ICAM1: variants seen among roughly 807,000 people sequenced by gnomAD.
ICAM1 encodes the protein intercellular adhesion molecule 1.
A neutral mutation model predicts 42.3 loss-of-function variants in ICAM1; 28 were observed. The observed-to-expected ratio is 0.66, with a 90% CI of 0.49 to 0.91. ICAM1 has a LOEUF of 0.91. ICAM1 is among the 40% of genes least tolerant of loss of function. The probability of loss-of-function intolerance (pLI) is 0.00; values close to 1 mark genes in which losing one functional copy is unlikely to be tolerated. For missense variants in ICAM1, 637 were observed against 688.6 expected (o/e 0.93, Z 0.84); for synonymous variants, 304 against 305.9 (o/e 0.99, Z 0.07).
At chr19:10,273,659 G>A (rs553916531) in intron 1 of ICAM1, among the ~76,000 whole-genome samples, 76 of 150,380 alleles carry the variant, frequency 5.1e-4, no homozygotes, top group African/African-American at 1.8e-3. Context: ...AGGGAGACCC[G>A]TTTAAAAAAA....
intron 2 of ICAM1, chr19:10,283,253 T>C: frequency 2.1e-6 from 1 of 468,110 alleles, no homozygotes. Flanking sequence ...CACTTTTCAC[T>C]CTAAGATGCT....
At chr19:10,274,611 G>A (rs961084777) in intron 1 of ICAM1, among the ~76,000 whole-genome samples, 154 bp from the exon 2 acceptor site, 2 of 152,062 alleles carry the variant, frequency 1.3e-5, no homozygotes, top group African/African-American at 2.4e-5. Context: ...CACCACACCC[G>A]GCCTGCTCAT....
Position 10,283,694 on chromosome 19 carries a change from C to G in ICAM1, c.545C>G (p.Ala182Gly), listed in dbSNP as rs954408067. The change falls in exon 3 of 7, where the codon GCC becomes GGC. Residue 182 changes from alanine to glycine, a missense_variant. Coordinates refer to ENST00000264832, the MANE Select transcript of ICAM1 (RefSeq NM_000201.3). The part of the protein sequence containing the change: ...TVLVRRDHHG[A>G]NFSCRTELDL... The stretch of plus-strand genomic sequence containing the variant: ...CTGGTGAGGAGAGATCACCATGGAG[C>G]CAATTTCTCGTGCCGCACTGAACTG... 6.2e-7 allele frequency: 1 copy of G among 1,613,974 alleles called. No homozygotes were observed.
chr19:10,282,537 G>C (rs2040068957), intron 2 of ICAM1, among the ~76,000 whole-genome samples: 6 of 151,762 alleles, frequency 4.0e-5, no homozygotes, highest in Admixed American at 3.9e-4. Flanking sequence ...GTGAGCCACC[G>C]CGCCCTGCCA....
At chr19:10,276,142 G>A (rs1298243545) in intron 2 of ICAM1, among the ~76,000 whole-genome samples, 5 of 150,046 alleles carry the variant, frequency 3.3e-5, no homozygotes, top group Admixed American at 6.7e-5. Flanking sequence ...CTAGGAGTTC[G>A]AATCCATCCT....
intron 2 of ICAM1, among the ~76,000 whole-genome samples, chr19:10,278,580 T>G (rs74178247): frequency 0.034 from 4,430 of 131,676 alleles, 285 homozygotes; most frequent in East Asian, 0.083. Context: ...TTCTTTTTTT[T>G]GACACACAGT....
In ICAM1 at chr19:10,283,665, G is replaced by A. The variant is rs1457067982; in HGVS notation, c.516G>A (p.Thr172=). Residue 172 remains threonine (T), a synonymous_variant, in exon 3 of 7, where the codon ACG becomes ACA. Coordinates refer to ENST00000264832, the MANE Select transcript of ICAM1 (RefSeq NM_000201.3). The stretch of plus-strand genomic sequence containing the variant: ...GGGAGCCCGCTGAGGTCACGACCAC[G>A]GTGCTGGTGAGGAGAGATCACCATG... ...AVGEPAEVTT[T]VLVRRDHHGA... is the part of the protein sequence containing the mutation. 3.1e-6 allele frequency: 5 copies of A among 1,613,808 alleles called. No individual in the cohort carries two copies. The highest frequency in any genetic ancestry group is 2.7e-5 in the African/African-American group (2 of 74,932).
intron 2 of ICAM1, among the ~76,000 whole-genome samples, chr19:10,280,936 C>CGG (rs2040052032): frequency 7.7e-6 from 1 of 129,952 alleles, no homozygotes; most frequent in Non-Finnish European, 1.5e-5. Context: ...TGCAGTGGTT[C>CGG]GATCTGGGCT....
rs1320650812 is a variant in ICAM1 at position 10,283,461 on chromosome 19, C to T, written c.332-20C>T. 2 of 1,530,178 alleles carry T rather than the reference C, an allele frequency of 1.3e-6. No homozygotes were observed. The highest frequency in any genetic ancestry group is 4.0e-5 in the Admixed American group (2 of 50,100). 94.8% of individuals were successfully genotyped at this position (1,530,178 alleles called of 1,614,324 possible). A position where few individuals can be genotyped will look rare whatever the true frequency, so the allele number is the denominator to read the frequency against. On this transcript the variant is annotated intron_variant, in intron 2 of 6. Transcript: ENST00000264832. ...GCAAGGTCCACTTCACCAGACACCC[C>T]CACCTCTGTTTTCCTGCAGGGACTC...
rs5030367 is a variant in ICAM1 at position 10,280,335 on chromosome 19, T to A, written c.332-3146T>A. Among the ~76,000 whole-genome samples the A allele has an allele frequency of 5.2e-3, 786 of 151,868 alleles. 9 individuals are homozygous for A. Among genetic ancestry groups the A allele is most frequent in the African/African-American group, 0.016 (680 of 41,476 alleles). On this transcript the variant is annotated intron_variant, in intron 2 of 6. Transcript: ENST00000264832. ...TTTTCTTGACTATATATATATATAT[T>A]TTTTTGTTTTTGTTTTTAACAGCTT...
At chr19:10,285,065 G>A (rs776831510) in intron 6 of ICAM1, 37 bp downstream of exon 6, 3 of 1,613,600 alleles carry the variant, frequency 1.9e-6, no homozygotes, top group Non-Finnish European at 2.5e-6. Flanking sequence ...GTGGGGGCAG[G>A]GGCCATGGAC....
chr19:10,279,722 G>C (rs956355893), intron 2 of ICAM1, among the ~76,000 whole-genome samples: 1 of 152,076 alleles, frequency 6.6e-6, no homozygotes, highest in Non-Finnish European at 1.5e-5. Flanking sequence ...GACCGCAAGA[G>C]ATCCTCCTGC....
In ICAM1 at chr19:10,274,978, C is replaced by T. The variant is rs1171324211; in HGVS notation, c.281C>T (p.Ser94Leu). The T allele has an allele frequency of 4.3e-6, 7 of 1,614,068 alleles. No individual in the cohort carries two copies. Among genetic ancestry groups the T allele is most frequent in the Non-Finnish European group, 5.9e-6 (7 of 1,180,040 alleles). ...GAAGATAGCCAACCAATGTGCTATT[C>T]AAACTGCCCTGATGGGCAGTCAACA... Reference protein sequence around the residue: ...VQEDSQPMCYSNCPDGQSTAK... With the variant: ...VQEDSQPMCYLNCPDGQSTAK... Residue 94 changes from serine (S) to leucine (L), a missense_variant, in exon 2 of 7, where the codon TCA (serine) becomes TTA (leucine). Transcript: ENST00000264832.
chr19:10,280,868 C>CTT lies in ICAM1; in HGVS notation c.332-2591_332-2590dup, dbSNP rs869262659. Among the ~76,000 whole-genome samples the CTT allele has an allele frequency of 3.7e-3, 256 of 70,122 alleles. 2 individuals carry two copies. Among genetic ancestry groups the CTT allele is most frequent in the African/African-American group, 9.6e-3 (160 of 16,672 alleles). 46.0% of individuals were successfully genotyped at this position (70,122 alleles called of 152,430 possible). On this transcript the variant is annotated intron_variant, in intron 2 of 6. Transcript: ENST00000264832. The stretch of plus-strand genomic sequence containing the variant: ...ACAGGCATGAGCCACCGTGCCCGGC[C>CTT]TTTTTTTTTTTTTTTTTTTTTTTGA...
intron 1 of ICAM1, among the ~76,000 whole-genome samples, chr19:10,272,740 G>A (rs879828429): frequency 1.3e-5 from 2 of 151,440 alleles, no homozygotes; most frequent in Non-Finnish European, 2.9e-5. Flanking sequence ...TAATCACTGT[G>A]TTAGCCAGGA....
At position 10,284,514 on chromosome 19, in the gene ICAM1, C is replaced by T. The variant is rs747223390; in HGVS notation, c.1037C>T (p.Pro346Leu). ...PRAKVTLNGV[P>L]AQPLGPRAQL... ...GCCAAGGTGACGCTGAATGGGGTTC[C>T]AGCCCAGCCACTGGGCCCGAGGGCC... The change falls in exon 5 of 7, where the codon CCA becomes CTA. Residue 346 changes from proline (P) to leucine (L), a missense_variant. Coordinates refer to ENST00000264832, the MANE Select transcript of ICAM1 (RefSeq NM_000201.3). This position sits in a 1 kb window ranked among gnomAD's most constrained non-coding sequence, Gnocchi z 5.4. The T allele has an allele frequency of 3.1e-6, 5 of 1,614,070 alleles. No individual in the cohort carries two copies. The highest frequency in any genetic ancestry group is 1.1e-5 in the South Asian group (1 of 91,090).
chr19:10,285,457 C>T lies in ICAM1; in HGVS notation c.*170C>T, dbSNP rs2040097332. 1.6e-6 allele frequency: 1 copy of T among 624,738 alleles called. No individual in the cohort carries two copies. The highest frequency in any genetic ancestry group is 2.8e-6 in the Non-Finnish European group (1 of 355,414). 38.7% of individuals were successfully genotyped at this position (624,738 alleles called of 1,614,324 possible). ...TACAACAGCATTTGGGGCCATGGTA[C>T]CTGCACACCTAAAACACTAGGCCAC... On this transcript the variant is annotated 3_prime_UTR_variant, in exon 7 of 7. Coordinates refer to ENST00000264832, the MANE Select transcript of ICAM1 (RefSeq NM_000201.3).
chr19:10,284,864 C>A lies in ICAM1; in HGVS notation c.1262C>A (p.Ala421Asp), dbSNP rs1266669206. The A allele has an allele frequency of 6.3e-7, 1 of 1,595,920 alleles. No homozygotes were observed. The highest frequency in any genetic ancestry group is 1.1e-5 in the South Asian group (1 of 88,604). The change falls in exon 6 of 7, where the codon GCT becomes GAT. Residue 421 changes from alanine to aspartate, a missense_variant. By Grantham distance (126) the Ala-to-Asp change is moderately radical. Coordinates refer to ENST00000264832, the MANE Select transcript of ICAM1 (RefSeq NM_000201.3). The surrounding 1 kb of genome is among the most constrained non-coding windows in gnomAD (Gnocchi z 5.4). ...ENSQQTPMCQAWGNPLPELKC... is the reference protein window; with the variant it reads ...ENSQQTPMCQDWGNPLPELKC... ...TCCCAGCAGACTCCAATGTGCCAGGCTTGGGGGAACCCATTGCCCGAGCTC... is the reference window on the plus strand; with the variant it reads ...TCCCAGCAGACTCCAATGTGCCAGGATTGGGGGAACCCATTGCCCGAGCTC...
At chr19:10,274,115 C>G (rs1398531244) in intron 1 of ICAM1, among the ~76,000 whole-genome samples, 3 of 152,084 alleles carry the variant, frequency 2.0e-5, no homozygotes, top group Non-Finnish European at 4.4e-5. Context: ...TCACTCAGCT[C>G]CAGCCACCCT....
Sources: allele counts gnomAD v4.1 joint callset (sites outside exome capture counted in the v4.1 genomes callset), GRCh38; gene constraint gnomAD v4.1.1; non-coding constraint Gnocchi (gnomAD v3.1); transcripts MANE v1.5; gene names NCBI Gene and HGNC (gene_info 2026-07-23, HGNC 2026-07-21).